Variants in NAE1 observed in about 807,000 individuals in gnomAD.
NAE1 encodes the protein NEDD8-activating enzyme E1 regulatory subunit.
Under a neutral mutation model 88.0 loss-of-function variants are expected in NAE1, and 59 were observed. The ratio of observed to expected loss-of-function variants is 0.67; its 90% CI spans 0.54 to 0.83. NAE1 has a LOEUF of 0.83. NAE1 is among the 40% of genes least tolerant of loss of function. The pLI, the probability that NAE1 is intolerant of heterozygous loss-of-function variation, is 0.00. For missense variants in NAE1, 554 were observed against 632.8 expected (o/e 0.88, Z 1.34); for synonymous variants, 186 against 208.9 (o/e 0.89, Z 0.95).
chr16:66,821,672 T>C (rs1409437374), intron 6 of NAE1, 113 bp from the exon 7 acceptor site: 5 of 865,508 alleles, frequency 5.8e-6, no homozygotes, highest in Non-Finnish European at 8.3e-6. Context: ...AAATAATAGA[T>C]GCAAAGGTAC....
At chr16:66,820,367 C>T (rs971269756) in intron 7 of NAE1, among the ~76,000 whole-genome samples, 3 of 152,228 alleles carry the variant, frequency 2.0e-5, no homozygotes. Flanking sequence ...TGGTCTCTTA[C>T]AACAGTTTCC....
intron 19 of NAE1, 30 bp downstream of exon 19, chr16:66,805,747 C>G: frequency 7.7e-6 from 11 of 1,432,982 alleles, no homozygotes; most frequent in Non-Finnish European, 1.0e-5. Context: ...TATGTAACAA[C>G]AGGTGAGTCT....
intron 4 of NAE1, among the ~76,000 whole-genome samples, chr16:66,824,113 C>T (rs1222299152): frequency 1.3e-5 from 2 of 151,806 alleles, no homozygotes; most frequent in African/African-American, 4.8e-5. Flanking sequence ...ATCCAGAGTT[C>T]TCAAATGACA....
At chr16:66,817,684 CTA>C (rs1290725520) in intron 8 of NAE1, among the ~76,000 whole-genome samples, 197 bp from the exon 9 acceptor site, 1 of 152,100 alleles carries the variant, frequency 6.6e-6, no homozygotes, top group African/African-American at 2.4e-5. Flanking sequence ...CACATATATA[CTA>C]TGATTGTCCC....
At chr16:66,814,112 G>C (rs1959936398) in intron 11 of NAE1, among the ~76,000 whole-genome samples, 2 of 152,050 alleles carry the variant, frequency 1.3e-5, no homozygotes, top group Admixed American at 1.3e-4. Context: ...AGGGGCCCCA[G>C]TAAATTATTT....
chr16:66,821,505 G>A lies in NAE1; in HGVS notation c.456C>T (p.Ile152=). Residue 152 remains isoleucine (I), a synonymous_variant, in exon 7 of 20, where the codon ATC becomes ATT. Transcript: ENST00000290810. The part of the protein sequence containing the change: ...VLWNSQIPLL[I]CRTYGLVGYM... ...AACCAACTAGTCCATATGTCCTACAGATCAAAAGAGGAATCTGGGAATTCC... is the reference window on the plus strand; with the variant it reads ...AACCAACTAGTCCATATGTCCTACAAATCAAAAGAGGAATCTGGGAATTCC... The A allele has an allele frequency of 6.2e-7, 1 of 1,602,808 alleles. No individual in the cohort carries two copies. Among genetic ancestry groups the A allele is most frequent in the Non-Finnish European group, 8.5e-7 (1 of 1,175,750 alleles).
chr16:66,803,593 A>T (rs1959440604), intron 19 of NAE1, among the ~76,000 whole-genome samples: 1 of 144,574 alleles, frequency 6.9e-6, no homozygotes, highest in African/African-American at 2.5e-5. Flanking sequence ...ACTGGATAGA[A>T]TTTTTTTTTT....
rs759639950 is a variant in NAE1, at chr16:66,808,560, C to T, written c.1291G>A (p.Ala431Thr). 6.2e-7 allele frequency: 1 copy of T among 1,607,006 alleles called. No homozygotes were observed. Among genetic ancestry groups the T allele is most frequent in the South Asian group, 1.1e-5 (1 of 90,198 alleles). ...TGTTGTTTATGAAATCTATCAACAGCCCGTAACATTAAGTACAACACTATT... is the reference window on the plus strand; with the variant it reads ...TGTTGTTTATGAAATCTATCAACAGTCCGTAACATTAAGTACAACACTATT... ...NEIVLYLMLR[A>T]VDRFHKQQGR... Residue 431 changes from alanine to threonine, a missense_variant, in exon 17 of 20, where the codon GCT becomes ACT. Ala to Thr is a moderately conservative substitution (Grantham distance 58). Coordinates refer to ENST00000290810, the MANE Select transcript of NAE1 (RefSeq NM_003905.4).
At chr16:66,806,916 T>C (rs981573085) in intron 17 of NAE1, among the ~76,000 whole-genome samples, 1 of 152,200 alleles carries the variant, frequency 6.6e-6, no homozygotes. Flanking sequence ...AGCTAGGTCA[T>C]AAAAAGCCCT....
At chr16:66,812,359 C>T (rs1390108909) in intron 13 of NAE1, among the ~76,000 whole-genome samples, 1 of 151,996 alleles carries the variant, frequency 6.6e-6, no homozygotes, top group Non-Finnish European at 1.5e-5. Flanking sequence ...TGTTAAATTA[C>T]TTAATACATA....
intron 19 of NAE1, among the ~76,000 whole-genome samples, chr16:66,804,221 A>G (rs544329099): frequency 6.7e-6 from 1 of 149,064 alleles, no homozygotes; most frequent in African/African-American, 2.5e-5. Context: ...AAATGATTAC[A>G]GAATGCACAG....
chr16:66,815,757 G>C lies in NAE1; in HGVS notation c.840+824C>G, dbSNP rs576030738. On this transcript the variant is annotated intron_variant, in intron 11 of 19. Coordinates refer to ENST00000290810, the MANE Select transcript of NAE1 (RefSeq NM_003905.4). ...GCTCACTGCAATCTCCACCTCCCAG[G>C]TTCAAGCGGTTCTCCTGCCTCAGCC... Among the ~76,000 whole-genome samples the C allele has an allele frequency of 3.0e-4, 45 of 151,852 alleles. No individual in the cohort carries two copies. In the South Asian group the frequency reaches 5.4e-3, roughly 18 times the overall value.
intron 13 of NAE1, among the ~76,000 whole-genome samples, chr16:66,812,471 T>C (rs573356603): frequency 6.6e-6 from 1 of 152,058 alleles, no homozygotes; most frequent in East Asian, 1.9e-4. Flanking sequence ...GTATTTCCCA[T>C]TCAATTTTGC....
At chr16:66,812,908 C>T (rs1959873395) in intron 13 of NAE1, among the ~76,000 whole-genome samples, 2 of 150,948 alleles carry the variant, frequency 1.3e-5, no homozygotes, top group Admixed American at 6.6e-5. Flanking sequence ...CTGCAAGCTC[C>T]GCCTCCCGGG....
chr16:66,827,994 T>C, intron 1 of NAE1: 2 of 1,613,712 alleles, frequency 1.2e-6, no homozygotes, highest in South Asian at 1.1e-5. Flanking sequence ...CTTCATTTGT[T>C]TTTGTTTGCT....
chr16:66,828,067 G>A, intron 1 of NAE1: 2 of 1,612,852 alleles, frequency 1.2e-6, no homozygotes, highest in African/African-American at 1.3e-5. Context: ...TCAAATGTAT[G>A]GAGGAATCGC....
chr16:66,820,977 G>A (rs1055349179), intron 7 of NAE1, among the ~76,000 whole-genome samples: 1 of 152,144 alleles, frequency 6.6e-6, no homozygotes, highest in Non-Finnish European at 1.5e-5. Context: ...GCTGAGGCAG[G>A]AGAATCAGTT....
chr16:66,822,310 A>G (rs1378197916), intron 6 of NAE1, among the ~76,000 whole-genome samples: 1 of 152,184 alleles, frequency 6.6e-6, no homozygotes, highest in Non-Finnish European at 1.5e-5. Context: ...TGGCTCCACA[A>G]CTGTAATCCC....
intron 3 of NAE1, 21 bp from the exon 4 acceptor site, chr16:66,824,906 G>GA (rs776942016): frequency 2.0e-5 from 32 of 1,590,470 alleles, no homozygotes; most frequent in African/African-American, 8.2e-5. Context: ...CAGAATAAAG[G>GA]AAAAAAAAGT....
Sources: gnomAD v4.1 joint callset for allele counts (sites outside exome capture counted in the v4.1 genomes callset) on GRCh38, gnomAD v4.1.1 for gene constraint, MANE v1.5 for transcripts, NCBI Gene and HGNC (gene_info 2026-07-23, HGNC 2026-07-21) for gene names.